The following ABCC8 variants were observed in gnomAD, a reference collection of about 807,000 sequenced individuals.
ABCC8 encodes the protein ATP-binding cassette sub-family C member 8.
A neutral mutation model predicts 188.0 loss-of-function variants in ABCC8; 137 were observed. The ratio of observed to expected loss-of-function variants is 0.73; its 90% CI spans 0.63 to 0.84. The LOEUF (loss-of-function observed/expected upper bound fraction) is 0.84. ABCC8 is among the 40% of genes least tolerant of loss of function. The pLI is 0.00. For missense variants in ABCC8, 1,750 were observed against 2,072.7 expected, an observed-to-expected ratio of 0.84 and a Z score of 3.02; for synonymous variants, 797 against 846.5, an observed-to-expected ratio of 0.94 and a Z score of 1.01.
intron 28 of ABCC8, 46 bp from the exon 29 acceptor site, chr11:17,402,799 G>A (rs1246903636): frequency 6.2e-7 from 1 of 1,608,124 alleles, no homozygotes; most frequent in African/African-American, 1.3e-5. Context: ...CAGGCTCAGG[G>A]CTCGGCCTGG....
intron 3 of ABCC8, among the ~76,000 whole-genome samples, chr11:17,469,114 T>A (rs1371915584): frequency 7.6e-6 from 1 of 131,406 alleles, no homozygotes; most frequent in Non-Finnish European, 1.6e-5. Context: ...TCCTTCTAGA[T>A]GGAGTCTTGC....
rs564105835 is a variant in ABCC8 at position 17,408,869 on chromosome 11, G to A, written c.2695-352C>T. Among the ~76,000 whole-genome samples, 10 of 152,238 alleles carry A rather than the reference G, an allele frequency of 6.6e-5. No homozygotes were observed. In the South Asian group the frequency reaches 1.5e-3, roughly 22 times the overall value. ...ACTACCCTTAGCTCCTCTTGACGGC[G>A]GGTCTGGCAGCCTCCATCAGGGCTT... On this transcript the variant is annotated intron_variant, in intron 22 of 38. Transcript: ENST00000389817.
chr11:17,394,164 A>T, intron 37 of ABCC8, 102 bp downstream of exon 37: 1 of 1,423,518 alleles, frequency 7.0e-7, no homozygotes, highest in Non-Finnish European at 9.9e-7. Context: ...ATTTGATGTT[A>T]GAGGCAACTT....
intron 16 of ABCC8, among the ~76,000 whole-genome samples, chr11:17,426,672 G>A (rs1304850617): frequency 2.0e-5 from 3 of 152,152 alleles, no homozygotes; most frequent in Admixed American, 6.5e-5. Flanking sequence ...AATTACTGCC[G>A]TGCATCTGAG....
At chr11:17,443,428 G>A in intron 8 of ABCC8, 116 bp from the exon 9 acceptor site, 8 of 1,569,268 alleles carry the variant, frequency 5.1e-6, no homozygotes, top group South Asian at 2.3e-5. Context: ...TGGTGCCCAG[G>A]TTTCCAAATT....
intron 10 of ABCC8, chr11:17,436,123 G>A (rs2133570237): frequency 1.3e-6 from 1 of 784,316 alleles, no homozygotes; most frequent in Non-Finnish European, 2.3e-6. Flanking sequence ...ACAGAGCTGA[G>A]GGCTAAAGTG....
intron 7 of ABCC8, among the ~76,000 whole-genome samples, chr11:17,451,607 C>G (rs575070719): frequency 1.6e-4 from 25 of 152,386 alleles, no homozygotes; most frequent in African/African-American, 6.0e-4. Context: ...CTGTCTCCCA[C>G]ATGACTAATG....
chr11:17,468,578 G>A (rs1848297464), intron 3 of ABCC8, among the ~76,000 whole-genome samples: 1 of 152,194 alleles, frequency 6.6e-6, no homozygotes, highest in Admixed American at 6.5e-5. Context: ...TTTAACCTCT[G>A]AGCCTCAGTT....
intron 8 of ABCC8, chr11:17,448,150 G>A (rs958430995): frequency 4.1e-6 from 1 of 244,152 alleles, no homozygotes; most frequent in African/African-American, 2.2e-5. Context: ...GGGTCTCACT[G>A]TGTTGCCCAG....
intron 10 of ABCC8, chr11:17,436,181 T>A: frequency 1.4e-6 from 1 of 728,688 alleles, no homozygotes; most frequent in Non-Finnish European, 2.5e-6. Context: ...AGCACAGCCA[T>A]CTTGGGTTCT....
At chr11:17,467,516 T>C (rs1848239970) in intron 3 of ABCC8, among the ~76,000 whole-genome samples, 1 of 152,216 alleles carries the variant, frequency 6.6e-6, no homozygotes, top group Non-Finnish European at 1.5e-5. Context: ...ACATGCTGTT[T>C]CCTCTGCCTG....
intron 6 of ABCC8, among the ~76,000 whole-genome samples, chr11:17,456,052 G>A (rs968776065): frequency 2.0e-5 from 3 of 151,984 alleles, no homozygotes; most frequent in East Asian, 1.9e-4. Context: ...CCTAGGAAAC[G>A]GGGAGGGGAT....
intron 5 of ABCC8, 64 bp downstream of exon 5, chr11:17,461,519 G>T (rs1957186128): frequency 1.9e-6 from 3 of 1,601,416 alleles, no homozygotes; most frequent in East Asian, 4.5e-5. Flanking sequence ...GCCCTTTGAG[G>T]TCCCTCTCTG....
chr11:17,456,066 A>G (rs1412398807), intron 6 of ABCC8, among the ~76,000 whole-genome samples: 1 of 151,956 alleles, frequency 6.6e-6, no homozygotes, highest in Non-Finnish European at 1.5e-5. Context: ...AGGGGATATG[A>G]TAGCACTGGT....
rs763978514 is a variant in ABCC8 at position 17,460,497 on chromosome 11, G to A, written c.1002C>T (p.Phe334=). Residue 334 remains phenylalanine, a synonymous_variant, in exon 6 of 39, where the codon TTC becomes TTT. Coordinates refer to ENST00000389817, the MANE Select transcript of ABCC8 (RefSeq NM_000352.6). Reference sequence around the variant, plus strand: ...CCCTGGGGCTGCCTACCTTGGGCTGGAAGACGTCGTTCTCCTTCCCAAGGT... The same window carrying A: ...CCCTGGGGCTGCCTACCTTGGGCTGAAAGACGTCGTTCTCCTTCCCAAGGT... ...VDHLGKENDV[F]QPKTQFLGVY... 31 of 1,614,052 alleles carry A rather than the reference G, an allele frequency of 1.9e-5. No homozygotes were observed. The highest frequency in any genetic ancestry group is 4.0e-5 in the African/African-American group (3 of 74,942).
chr11:17,430,641 G>T, intron 12 of ABCC8, 173 bp downstream of exon 12: 1 of 793,500 alleles, frequency 1.3e-6, no homozygotes, highest in East Asian at 2.5e-5. Context: ...TGGCGAGCTG[G>T]GAAACCATAC....
At chr11:17,432,455 G>C (rs1309083092) in intron 10 of ABCC8, 2 of 1,027,764 alleles carry the variant, frequency 1.9e-6, no homozygotes, top group Non-Finnish European at 2.8e-6. Context: ...CCCGGCCCCC[G>C]ACTCTGGGGC....
chr11:17,412,288 G>A (rs546895987), intron 21 of ABCC8, among the ~76,000 whole-genome samples: 1 of 152,350 alleles, frequency 6.6e-6, no homozygotes, highest in East Asian at 1.9e-4. Context: ...ATAATGCTGT[G>A]AACAATTAGC....
intron 7 of ABCC8, 150 bp downstream of exon 7, chr11:17,452,969 G>A (rs1956867335): frequency 1.3e-6 from 1 of 798,482 alleles, no homozygotes; most frequent in Non-Finnish European, 2.1e-6. Context: ...CCTTGTCAAT[G>A]GTTACTGTTT....
Sources: gnomAD v4.1 joint callset for allele counts (sites outside exome capture counted in the v4.1 genomes callset) on GRCh38, gnomAD v4.1.1 for gene constraint, MANE v1.5 for transcripts, NCBI Gene and HGNC (gene_info 2026-07-23, HGNC 2026-07-21) for gene names.